RNF216: variants seen among roughly 807,000 people sequenced by gnomAD.
The protein encoded by RNF216 is E3 ubiquitin-protein ligase RNF216.
Under a neutral mutation model 110.8 loss-of-function variants are expected in RNF216, and 72 were observed. The ratio of observed to expected loss-of-function variants is 0.65; its 90% CI spans 0.54 to 0.79. The LOEUF is 0.79. RNF216 is among the 30% of genes least tolerant of loss of function. The pLI is 0.00. For synonymous variants in RNF216, 495 were observed against 407.5 expected (o/e 1.21, Z -2.59); for missense variants, 1,342 against 1,141.2 (o/e 1.18, Z -2.54).
At chr7:5,642,212 G>GTT (rs1347086304) in intron 14 of RNF216, among the ~76,000 whole-genome samples, 2 of 149,460 alleles carry the variant, frequency 1.3e-5, no homozygotes, top group African/African-American at 5.0e-5. Context: ...TCAAGGTTCT[G>GTT]TTTTGTTTTT....
intron 3 of RNF216, among the ~76,000 whole-genome samples, chr7:5,743,676 AC>A (rs1794887528): frequency 6.6e-6 from 1 of 152,254 alleles, no homozygotes; most frequent in Non-Finnish European, 1.5e-5. Context: ...ATGGATACAT[AC>A]AAATTCAAAG....
At chr7:5,654,380 G>A (rs529874396) in intron 13 of RNF216, among the ~76,000 whole-genome samples, 74 of 152,018 alleles carry the variant, frequency 4.9e-4, no homozygotes, top group Non-Finnish European at 8.4e-4. Context: ...GTGGGATGTC[G>A]TAAAAAGCCT....
At chr7:5,712,954 A>T (rs1477958127) in intron 11 of RNF216, 91 bp from the exon 12 acceptor site, 3 of 1,154,224 alleles carry the variant, frequency 2.6e-6, no homozygotes. Context: ...AGATCCTGAG[A>T]CAACATAGCA....
rs566032474 is a variant in RNF216, at chr7:5,722,804, C to G, written c.1505-1632G>C. The stretch of plus-strand genomic sequence containing the variant: ...TGGGAGGCCAAGGAGGGCACATCAT[C>G]TAAGGTTAGGAGTTCGAGACCAACC... On this transcript the variant is annotated intron_variant, in intron 8 of 16. Coordinates refer to ENST00000389902, the MANE Select transcript of RNF216 (RefSeq NM_207111.4). 3.3e-5 allele frequency among the ~76,000 whole-genome samples: 5 copies of G among 152,040 alleles called. No homozygotes were observed. The South Asian group carries it at 1.0e-3, about 32-fold the overall frequency.
intron 14 of RNF216, among the ~76,000 whole-genome samples, chr7:5,646,940 G>A (rs563270748): frequency 6.6e-6 from 1 of 152,126 alleles, no homozygotes; most frequent in Non-Finnish European, 1.5e-5. Context: ...AAAGCCTAGG[G>A]TCTTGGGTTT....
chr7:5,672,299 T>C (rs909573851), intron 13 of RNF216, among the ~76,000 whole-genome samples: 2 of 152,250 alleles, frequency 1.3e-5, no homozygotes, highest in African/African-American at 4.8e-5. Context: ...ACATGTTTAC[T>C]TTGGGGGAAT....
At chr7:5,691,004 C>A (rs1791301592) in intron 13 of RNF216, among the ~76,000 whole-genome samples, 2 of 152,238 alleles carry the variant, frequency 1.3e-5, no homozygotes, top group Admixed American at 6.5e-5. Flanking sequence ...TCCACCTCCA[C>A]ACACCCCCTG....
At chr7:5,719,885 A>G (rs1386961145) in intron 9 of RNF216, among the ~76,000 whole-genome samples, 1 of 152,216 alleles carries the variant, frequency 6.6e-6, no homozygotes, top group Non-Finnish European at 1.5e-5. Flanking sequence ...ATATAAGACA[A>G]GCTTCATATC....
chr7:5,644,354 C>T lies in RNF216; in HGVS notation c.2160-2978G>A, dbSNP rs149273970. ...TCTGTCAAGACTTGTTATTTTCCATCGCTTTCATTATAGTCATCCTAATAG... is the reference window on the plus strand; with the variant it reads ...TCTGTCAAGACTTGTTATTTTCCATTGCTTTCATTATAGTCATCCTAATAG... On this transcript the variant is annotated intron_variant, in intron 14 of 16. Coordinates refer to ENST00000389902, the MANE Select transcript of RNF216 (RefSeq NM_207111.4). 3.6e-4 allele frequency among the ~76,000 whole-genome samples: 55 copies of T among 152,198 alleles called. No individual in the cohort carries two copies. In the East Asian group the frequency reaches 0.01, roughly 28 times the overall value.
chr7:5,696,986 A>G lies in RNF216; in HGVS notation c.2061+14775T>C, dbSNP rs73673173. Among the ~76,000 whole-genome samples the G allele has an allele frequency of 0.028, 4,201 of 152,238 alleles. 184 individuals carry two copies. Among genetic ancestry groups the G allele is most frequent in the African/African-American group, 0.095 (3,925 of 41,522 alleles). ...ACTGTGTCCCTCCATTACGCCAGCAACAGCTCCAGGGACGGGGGTAGGGGA... is the reference window on the plus strand; with the variant it reads ...ACTGTGTCCCTCCATTACGCCAGCAGCAGCTCCAGGGACGGGGGTAGGGGA... On this transcript the variant is annotated intron_variant, in intron 13 of 16. Coordinates refer to ENST00000389902, the MANE Select transcript of RNF216 (RefSeq NM_207111.4). This position sits in a 1 kb window ranked among gnomAD's most constrained non-coding sequence, Gnocchi z 5.4.
intron 15 of RNF216, among the ~76,000 whole-genome samples, chr7:5,637,293 C>T (rs535535927): frequency 1.1e-3 from 166 of 152,278 alleles, no homozygotes; most frequent in Non-Finnish European, 2.1e-3. Context: ...AAGGATGACT[C>T]GGGCTTGGCT....
intron 13 of RNF216, among the ~76,000 whole-genome samples, chr7:5,711,414 A>G (rs1037052862): frequency 1.3e-5 from 2 of 152,174 alleles, no homozygotes; most frequent in Non-Finnish European, 2.9e-5. Flanking sequence ...GAGGGGTAGC[A>G]GGGGCTATTT....
chr7:5,772,695 A>G (rs1796559043), intron 1 of RNF216, among the ~76,000 whole-genome samples: 1 of 152,198 alleles, frequency 6.6e-6, no homozygotes, highest in African/African-American at 2.4e-5. Flanking sequence ...AGATACTATC[A>G]AAATATACAG....
intron 1 of RNF216, among the ~76,000 whole-genome samples, chr7:5,766,369 C>G (rs1157894408): frequency 6.6e-6 from 1 of 152,124 alleles, no homozygotes; most frequent in African/African-American, 2.4e-5. Context: ...CACGCCTGGC[C>G]TCCAAATTCC....
intron 13 of RNF216, among the ~76,000 whole-genome samples, chr7:5,694,167 C>A (rs1020926513): frequency 6.6e-6 from 1 of 152,220 alleles, no homozygotes; most frequent in Non-Finnish European, 1.5e-5. Context: ...AAAGGTCTTA[C>A]TAAAAAGGGC....
chr7:5,736,466 G>A (rs889783730), intron 5 of RNF216, among the ~76,000 whole-genome samples: 3 of 152,138 alleles, frequency 2.0e-5, no homozygotes, highest in Middle Eastern at 3.2e-3. Context: ...ATCTCGGCTC[G>A]CTACAACCTC....
At chr7:5,682,582 T>C (rs1790730879) in intron 13 of RNF216, among the ~76,000 whole-genome samples, 1 of 152,104 alleles carries the variant, frequency 6.6e-6, no homozygotes, top group South Asian at 2.1e-4. Flanking sequence ...TATTTTTGTA[T>C]TTTTAGTAGA....
chr7:5,707,716 T>TG (rs1554255837), intron 13 of RNF216, among the ~76,000 whole-genome samples: 3 of 135,930 alleles, frequency 2.2e-5, no homozygotes, highest in South Asian at 2.3e-4. Context: ...TGTGTGTGTG[T>TG]GGTTTTTTTT....
chr7:5,676,461 C>T (rs900936884), intron 13 of RNF216, among the ~76,000 whole-genome samples: 2 of 152,146 alleles, frequency 1.3e-5, no homozygotes, highest in Admixed American at 1.3e-4. Context: ...TCTGTGAGAA[C>T]TGTCGCTGGG....
Sources: gnomAD v4.1 joint callset for allele counts (sites outside exome capture counted in the v4.1 genomes callset) on GRCh38, gnomAD v4.1.1 for gene constraint, Gnocchi (gnomAD v3.1) non-coding constraint, MANE v1.5 for transcripts, NCBI Gene and HGNC (gene_info 2026-07-23, HGNC 2026-07-21) for gene names.